The following UMAD1 variants were observed in gnomAD, a reference collection of about 807,000 sequenced individuals.
UMAD1 encodes UBAP1-MVB12-associated (UMA) domain containing 1, also known as UBAP1-MVB12-associated (UMA)-domain containing protein 1.
In UMAD1, 8 loss-of-function variants were observed where a neutral mutation model predicts 6.1. That is an observed-to-expected ratio of 1.30 (90% CI 0.76 to 2.35). The LOEUF (loss-of-function observed/expected upper bound fraction) is 2.35, where lower values mean the gene tolerates loss of function less well. UMAD1 is among the 30% of genes most tolerant of loss of function. The pLI is 0.00. For missense variants in UMAD1, 130 were observed against 78.4 expected (o/e 1.66, Z -2.49); for synonymous variants, 56 against 31.4 (o/e 1.78, Z -2.61).
intron 2 of UMAD1, among the ~76,000 whole-genome samples, chr7:7,688,046 T>C (rs1376664741): frequency 1.3e-5 from 2 of 152,178 alleles, no homozygotes; most frequent in Non-Finnish European, 2.9e-5. Context: ...GCTGTTGCTA[T>C]GTTAGGGGTT....
At chr7:7,796,617 C>T (rs1199008348) in intron 2 of UMAD1, among the ~76,000 whole-genome samples, 3 of 152,118 alleles carry the variant, frequency 2.0e-5, no homozygotes, top group South Asian at 2.1e-4. Flanking sequence ...CCCATTGTTC[C>T]TATAGATAGG....
chr7:7,860,617 A>G (rs867131521), intron 3 of UMAD1, among the ~76,000 whole-genome samples: 53 of 150,074 alleles, frequency 3.5e-4, no homozygotes, highest in African/African-American at 1.1e-3. Context: ...AAAAAAAAAA[A>G]AAAAAAAAAT....
chr7:7,662,038 C>T (rs995588091), intron 1 of UMAD1, among the ~76,000 whole-genome samples: 1 of 152,188 alleles, frequency 6.6e-6, no homozygotes, highest in Non-Finnish European at 1.5e-5. Flanking sequence ...GGCAGTCTGG[C>T]TACAGCGGCT....
intron 1 of UMAD1, among the ~76,000 whole-genome samples, chr7:7,666,184 TTTTG>T (rs146878102): frequency 0.57 from 85,033 of 150,126 alleles, 24,422 homozygotes; most frequent in East Asian, 0.8. Context: ...GGAAAGTGTT[TTTTG>T]TTTGTTTGTT....
chr7:7,823,116 G>C (rs899577089), intron 3 of UMAD1, among the ~76,000 whole-genome samples: 3 of 152,080 alleles, frequency 2.0e-5, no homozygotes, highest in Non-Finnish European at 4.4e-5. Flanking sequence ...ATGTTGTTGG[G>C]AAAGTTTTTA....
rs543852708 is a variant in UMAD1 at position 7,704,426 on chromosome 7, T to G, written c.82+30973T>G. On this transcript the variant is annotated intron_variant, in intron 2 of 3. Coordinates refer to ENST00000682710, the MANE Select transcript of UMAD1 (RefSeq NM_001302348.2). ...TAATTTTTGAGAGCATAAAGAGGTC[T>G]TGGAGATCACAGAGTTTAACAACTG... Among the ~76,000 whole-genome samples, 14 of 151,996 alleles carry G rather than the reference T, an allele frequency of 9.2e-5. No homozygotes were observed. The South Asian group carries it at 2.9e-3, about 32-fold the overall frequency.
chr7:7,874,971 T>C (rs1784390013), intron 3 of UMAD1, among the ~76,000 whole-genome samples: 1 of 152,036 alleles, frequency 6.6e-6, no homozygotes, highest in South Asian at 2.1e-4. Flanking sequence ...ACGGGGTTTC[T>C]CCATGTTGGT....
chr7:7,759,055 A>G (rs1465633580), intron 2 of UMAD1, among the ~76,000 whole-genome samples: 1 of 152,190 alleles, frequency 6.6e-6, no homozygotes. Flanking sequence ...CACTTCTTAC[A>G]TGGTTATTTA....
chr7:7,744,655 T>C (rs2115210583), intron 2 of UMAD1, among the ~76,000 whole-genome samples: 1 of 152,192 alleles, frequency 6.6e-6, no homozygotes, highest in South Asian at 2.1e-4. Flanking sequence ...CATTGTGGTT[T>C]TGATTTACAT....
intron 2 of UMAD1, among the ~76,000 whole-genome samples, chr7:7,674,240 A>G (rs1349553869): frequency 6.6e-6 from 1 of 152,132 alleles, no homozygotes; most frequent in East Asian, 1.9e-4. Context: ...ACTCCCTGGA[A>G]TGTTTCTCTG....
intron 2 of UMAD1, among the ~76,000 whole-genome samples, chr7:7,708,730 C>T (rs1026247247): frequency 3.9e-5 from 6 of 152,076 alleles, no homozygotes; most frequent in East Asian, 1.9e-4. Context: ...TTGACTGAAA[C>T]GAGCAACTAT....
Position 7,657,824 on chromosome 7 carries a change from A to G in UMAD1, c.-63-15485A>G, listed in dbSNP as rs186934388. Among the ~76,000 whole-genome samples, 785 of 152,318 alleles carry G rather than the reference A, an allele frequency of 5.2e-3. 8 individuals carry two copies. Among genetic ancestry groups the G allele is most frequent in the African/African-American group, 0.018 (757 of 41,576 alleles). On this transcript the variant is annotated intron_variant, in intron 1 of 3. Transcript: ENST00000682710. ...TATTTTGGTTCTATGTGAAATTTAA[A>G]GTAGTTTTTTCTAATTCTGTGAAGA... is the stretch of plus-strand genomic sequence containing the variant.
At chr7:7,662,916 T>C (rs1785510829) in intron 1 of UMAD1, among the ~76,000 whole-genome samples, 1 of 152,250 alleles carries the variant, frequency 6.6e-6, no homozygotes, top group Admixed American at 6.5e-5. Context: ...AGAAACTATG[T>C]CCTTTATAAT....
At chr7:7,853,538 A>G (rs7804263) in intron 3 of UMAD1, among the ~76,000 whole-genome samples, 63,960 of 151,716 alleles carry the variant, frequency 0.42, 14,268 homozygotes, top group African/African-American at 0.54. Flanking sequence ...CTTTCATTAA[A>G]TTTATTCCTA....
At chr7:7,675,697 A>G (rs143482276) in intron 2 of UMAD1, among the ~76,000 whole-genome samples, 7 of 152,322 alleles carry the variant, frequency 4.6e-5, no homozygotes, top group Non-Finnish European at 1.0e-4. Context: ...ATCTTGGACT[A>G]GCATAATTGG....
intron 2 of UMAD1, among the ~76,000 whole-genome samples, chr7:7,767,683 A>G (rs767028826): frequency 1.3e-5 from 2 of 152,200 alleles, no homozygotes; most frequent in Non-Finnish European, 2.9e-5. Context: ...ACTGGTTTGA[A>G]GAGCCTTGTT....
chr7:7,806,592 A>G (rs750790997), intron 3 of UMAD1, among the ~76,000 whole-genome samples: 7 of 152,214 alleles, frequency 4.6e-5, no homozygotes, highest in East Asian at 1.9e-4. Context: ...TCTACTTTAC[A>G]TAATAAACAG....
chr7:7,805,409 C>A (rs1330903377), intron 3 of UMAD1, among the ~76,000 whole-genome samples: 1 of 152,156 alleles, frequency 6.6e-6, no homozygotes, highest in African/African-American at 2.4e-5. Flanking sequence ...TCCAGTCTAT[C>A]AGCAAGTCCT....
chr7:7,795,818 C>T (rs766842012), intron 2 of UMAD1, among the ~76,000 whole-genome samples: 39 of 152,294 alleles, frequency 2.6e-4, no homozygotes, highest in Non-Finnish European at 4.3e-4. Flanking sequence ...TGACCAGAGG[C>T]CACTTTCATC....
Sources: allele counts gnomAD v4.1 joint callset (sites outside exome capture counted in the v4.1 genomes callset), GRCh38; gene constraint gnomAD v4.1.1; transcripts MANE v1.5; gene names NCBI Gene and HGNC (gene_info 2026-07-23, HGNC 2026-07-21).